Variants in ERICH6 observed in about 807,000 individuals in gnomAD.
The protein encoded by ERICH6 is glutamate-rich protein 6.
In ERICH6, 71 loss-of-function variants were observed where a neutral mutation model predicts 71.0. The observed-to-expected ratio is 1.00, with a 90% CI of 0.83 to 1.22. The LOEUF is 1.22. Ranked by LOEUF, ERICH6 falls within the 50% of genes most tolerant of loss-of-function variation. The pLI is 0.00. For synonymous variants in ERICH6, 262 were observed against 278.4 expected, an observed-to-expected ratio of 0.94 and a Z score of 0.59; for missense variants, 808 against 797.2, an observed-to-expected ratio of 1.01 and a Z score of -0.16.
At chr3:150,693,044 C>T (rs919781186) in intron 3 of ERICH6, among the ~76,000 whole-genome samples, 3 of 152,048 alleles carry the variant, frequency 2.0e-5, no homozygotes, top group Non-Finnish European at 4.4e-5. Flanking sequence ...GTTGCTGATC[C>T]TTTGTTTTGT....
chr3:150,686,479 GTC>G (rs1712194767), intron 3 of ERICH6, 125 bp from the exon 4 acceptor site: 1 of 804,150 alleles, frequency 1.2e-6, no homozygotes, highest in Non-Finnish European at 2.0e-6. Flanking sequence ...TTAATCTTTT[GTC>G]TCTTTTTCCA....
Position 150,666,923 on chromosome 3 carries a change from G to A in ERICH6, c.1592C>T (p.Pro531Leu). The change falls in exon 13 of 14, where the codon CCC becomes CTC. Residue 531 changes from proline to leucine, a missense_variant. By Grantham distance (98) the Pro-to-Leu change is moderately conservative (BLOSUM62 -3). Transcript: ENST00000295910. ...AAAGACAGGTTTAAATGAAACAAAGGGTGAGGAAGTGATGGAATTTGACCA... is the reference window on the plus strand; with the variant it reads ...AAAGACAGGTTTAAATGAAACAAAGAGTGAGGAAGTGATGGAATTTGACCA... ...WNWSNSITSSPFVSFKPVFLA... is the reference protein window; with the variant it reads ...WNWSNSITSSLFVSFKPVFLA... 6.2e-7 allele frequency: 1 copy of A among 1,614,106 alleles called. No individual in the cohort carries two copies. The highest frequency in any genetic ancestry group is 1.1e-5 in the South Asian group (1 of 91,084).
chr3:150,685,201 C>T (rs777302639), intron 6 of ERICH6, among the ~76,000 whole-genome samples: 7 of 152,082 alleles, frequency 4.6e-5, no homozygotes, highest in Non-Finnish European at 7.3e-5. Flanking sequence ...TATTGAAGTC[C>T]TAACTCCTGG....
chr3:150,678,908 G>T (rs987958079), intron 9 of ERICH6, among the ~76,000 whole-genome samples: 2 of 151,920 alleles, frequency 1.3e-5, no homozygotes, highest in Admixed American at 6.6e-5. Context: ...GGGCGTGGTG[G>T]CGTGTGCCTG....
At chr3:150,693,670 TA>T (rs1712539894) in intron 3 of ERICH6, among the ~76,000 whole-genome samples, 1 of 152,150 alleles carries the variant, frequency 6.6e-6, no homozygotes, top group Non-Finnish European at 1.5e-5. Context: ...CCAAGTATAA[TA>T]AAGCAAACCA....
intron 13 of ERICH6, among the ~76,000 whole-genome samples, chr3:150,662,719 T>G (rs1727267806): frequency 6.7e-6 from 1 of 150,214 alleles, no homozygotes; most frequent in South Asian, 2.1e-4. Flanking sequence ...CAGCACTATA[T>G]ATTAAAACGT....
intron 6 of ERICH6, among the ~76,000 whole-genome samples, chr3:150,684,719 A>T (rs541269321): frequency 6.6e-6 from 1 of 152,274 alleles, no homozygotes; most frequent in East Asian, 1.9e-4. Flanking sequence ...ACAGGCATTA[A>T]TCGGTCACTT....
chr3:150,694,272 G>A (rs1357810189), intron 3 of ERICH6, among the ~76,000 whole-genome samples: 1 of 151,672 alleles, frequency 6.6e-6, no homozygotes, highest in Non-Finnish European at 1.5e-5. Context: ...TTATTATTTG[G>A]TGTGTTTCAG....
chr3:150,680,431 T>TAC (rs757938172), intron 9 of ERICH6, 37 bp downstream of exon 9: 2 of 1,597,164 alleles, frequency 1.3e-6, no homozygotes, highest in Admixed American at 3.4e-5. Flanking sequence ...TCTGACGTTG[T>TAC]ACAGCTGGTC....
At chr3:150,686,630 C>A (rs973388820) in intron 3 of ERICH6, among the ~76,000 whole-genome samples, 1 of 152,162 alleles carries the variant, frequency 6.6e-6, no homozygotes, top group African/African-American at 2.4e-5. Context: ...ATTCCAAAAT[C>A]CTGAGTGGAT....
chr3:150,702,048 T>A (rs888780013), intron 2 of ERICH6, 73 bp downstream of exon 2: 4 of 1,061,542 alleles, frequency 3.8e-6, no homozygotes, highest in Non-Finnish European at 5.5e-6. Flanking sequence ...TTTACTCTAC[T>A]TCCTAACATG....
At chr3:150,691,876 T>G (rs1474041786) in intron 3 of ERICH6, among the ~76,000 whole-genome samples, 1 of 152,126 alleles carries the variant, frequency 6.6e-6, no homozygotes, top group African/African-American at 2.4e-5. Flanking sequence ...GGCCCCATCT[T>G]CAGGCCTGGT....
At chr3:150,703,286 T>A (rs1386021837) in intron 1 of ERICH6, among the ~76,000 whole-genome samples, 1 of 151,850 alleles carries the variant, frequency 6.6e-6, no homozygotes, top group Non-Finnish European at 1.5e-5. Context: ...GTTTCGCCTA[T>A]ATCCTAAATC....
Position 150,678,483 on chromosome 3 carries a change from T to A in ERICH6, c.1183A>T (p.Ile395Phe). The change falls in exon 10 of 14, where the codon ATT becomes TTT. Residue 395 changes from isoleucine to phenylalanine, a missense_variant. By Grantham distance (21) the Ile-to-Phe change is conservative. Around this residue, in one of 3 missense-constraint regions of ERICH6, gnomAD observed 736 missense variants for 712.2 expected, o/e 1.03. Coordinates refer to ENST00000295910, the MANE Select transcript of ERICH6 (RefSeq NM_152394.5). ...TTTCTTAGTTGAAAATCAAATACAA[T>A]GTCATCAATTATCTGTTTTTCTGGA... ...DIPEKQIIDD[I>F]VFDFQLRNSN... 1.9e-6 allele frequency: 3 copies of A among 1,603,766 alleles called. No individual in the cohort carries two copies. The highest frequency in any genetic ancestry group is 2.3e-5 in the South Asian group (2 of 88,444).
intron 2 of ERICH6, among the ~76,000 whole-genome samples, chr3:150,699,242 T>C (rs923581371): frequency 2.6e-5 from 4 of 152,138 alleles, no homozygotes; most frequent in Non-Finnish European, 4.4e-5. Context: ...GCCCAGGAAG[T>C]GGAGGCTGCA....
chr3:150,678,543 A>C lies in ERICH6; in HGVS notation c.1123T>G (p.Leu375Val). 4 of 1,597,976 alleles carry C rather than the reference A, an allele frequency of 2.5e-6. No individual in the cohort carries two copies. Among genetic ancestry groups the C allele is most frequent in the Non-Finnish European group, 3.4e-6 (4 of 1,176,002 alleles). ...GAAAGTTGATAAGAAATTGTTTTTA[A>C]GCGCTTTGAATCTAGTGGGAAAAGA... ...THFSEDDSKRLKTISYQLSVD... is the reference protein window; with the variant it reads ...THFSEDDSKRVKTISYQLSVD... Residue 375 changes from leucine (L) to valine (V), a missense_variant, in exon 10 of 14, where the codon TTA becomes GTA. This residue lies in a region of ERICH6 where 736 missense variants were observed against 712.2 expected (regional missense o/e 1.03). Coordinates refer to ENST00000295910, the MANE Select transcript of ERICH6 (RefSeq NM_152394.5).
Position 150,703,890 on chromosome 3 carries a change from G to C in ERICH6, c.9C>G (p.His3Gln), listed in dbSNP as rs779874184. ...CTCCGAAGCCGCTAGGCGAGCGCAA[G>C]TGGGCCATGGCTGGCGGGAGGCGGG... MA[H>Q]LRSPSGFGDP... Residue 3 changes from histidine to glutamine, a missense_variant, in exon 1 of 14, where the codon CAC (histidine) becomes CAG (glutamine). Physicochemically the swap from His to Gln is conservative, Grantham distance 24. Coordinates refer to ENST00000295910, the MANE Select transcript of ERICH6 (RefSeq NM_152394.5). 6.2e-7 allele frequency: 1 copy of C among 1,613,834 alleles called. No homozygotes were observed. The highest frequency in any genetic ancestry group is 8.5e-7 in the Non-Finnish European group (1 of 1,179,890).
intron 13 of ERICH6, among the ~76,000 whole-genome samples, chr3:150,661,758 G>A (rs1471470538): frequency 1.3e-5 from 2 of 152,148 alleles, no homozygotes; most frequent in African/African-American, 4.8e-5. Flanking sequence ...GTGCATGCCT[G>A]TAGTCCTAGC....
intron 13 of ERICH6, among the ~76,000 whole-genome samples, chr3:150,661,707 A>G (rs1315321098): frequency 6.6e-6 from 1 of 152,234 alleles, no homozygotes; most frequent in Admixed American, 6.5e-5. Flanking sequence ...CCATTAAAAT[A>G]TAGTGTATTA....
Sources: gnomAD v4.1 joint callset for allele counts (sites outside exome capture counted in the v4.1 genomes callset) on GRCh38, gnomAD v4.1.1 for gene constraint, gnomAD v4.1.1 regional missense constraint, MANE v1.5 for transcripts, NCBI Gene and HGNC (gene_info 2026-07-23, HGNC 2026-07-21) for gene names.